Variants in SGPL1 observed in about 807,000 individuals in gnomAD.
The protein encoded by SGPL1 is SP-lyase 1.
In SGPL1, 37 loss-of-function variants were observed where a neutral mutation model predicts 68.9. That is an observed-to-expected ratio of 0.54 (90% CI 0.41 to 0.71). The LOEUF (loss-of-function observed/expected upper bound fraction) is 0.71, where lower values mean the gene tolerates loss of function less well. SGPL1 is among the 30% of genes least tolerant of loss of function. SGPL1 has a pLI of 0.00. For missense variants in SGPL1, 551 were observed against 704.6 expected (o/e 0.78, Z 2.47); for synonymous variants, 236 against 248.5 (o/e 0.95, Z 0.47).
Position 70,854,648 on chromosome 10 carries a change from A to G in SGPL1, c.262-60A>G, listed in dbSNP as rs1845935215. On this transcript the variant is annotated intron_variant, in intron 4 of 14. Coordinates refer to ENST00000373202, the MANE Select transcript of SGPL1 (RefSeq NM_003901.4). ...GAGCAGTTGCTTGACTGTCATAATAATTCTGCTGTCTCTACTGTACTCTTG... is the reference window on the plus strand; with the variant it reads ...GAGCAGTTGCTTGACTGTCATAATAGTTCTGCTGTCTCTACTGTACTCTTG... The G allele has an allele frequency of 3.4e-6, 5 of 1,471,908 alleles. No individual in the cohort carries two copies. In the East Asian group the frequency reaches 1.1e-4, roughly 34 times the overall value. The allele number at this position is 1,471,908 out of a possible 1,614,324, so 91.2% of individuals were successfully genotyped here.
chr10:70,868,314 C>T (rs1564630709), intron 7 of SGPL1, 31 bp from the exon 8 acceptor site: 1 of 1,522,022 alleles, frequency 6.6e-7, no homozygotes, highest in East Asian at 2.3e-5. Context: ...TCCTGACTCC[C>T]CCAACAGATG....
intron 2 of SGPL1, among the ~76,000 whole-genome samples, chr10:70,821,745 C>T (rs1052749023): frequency 1.3e-5 from 2 of 152,084 alleles, no homozygotes; most frequent in African/African-American, 4.8e-5. Flanking sequence ...ACCATAGATA[C>T]CTGGATATCT....
intron 7 of SGPL1, among the ~76,000 whole-genome samples, chr10:70,864,096 A>G (rs1317965797): frequency 6.6e-6 from 1 of 152,030 alleles, no homozygotes; most frequent in East Asian, 1.9e-4. Context: ...TGTTTTATCA[A>G]GTTTTTTAGT....
intron 2 of SGPL1, among the ~76,000 whole-genome samples, chr10:70,821,361 T>C (rs1589445827): frequency 2.0e-5 from 3 of 152,188 alleles, no homozygotes; most frequent in African/African-American, 7.2e-5. Flanking sequence ...AAGAAAAAGG[T>C]ATTTTATAAA....
At chr10:70,859,885 C>T (rs1846021632) in intron 7 of SGPL1, among the ~76,000 whole-genome samples, 2 of 152,156 alleles carry the variant, frequency 1.3e-5, no homozygotes, top group African/African-American at 2.4e-5. Flanking sequence ...CTGCTCTCTA[C>T]ACTCTTTCCC....
intron 3 of SGPL1, among the ~76,000 whole-genome samples, chr10:70,847,012 GT>G (rs2131889432): frequency 6.6e-6 from 1 of 152,216 alleles, no homozygotes; most frequent in Admixed American, 6.5e-5. Context: ...TCTGCTTTTA[GT>G]GGTCAAAAAG....
chr10:70,871,347 G>A (rs1846292244), intron 10 of SGPL1, among the ~76,000 whole-genome samples: 1 of 152,210 alleles, frequency 6.6e-6, no homozygotes, highest in African/African-American at 2.4e-5. Flanking sequence ...TGTGGGGGAA[G>A]ATAGTACAAG....
At chr10:70,868,181 G>A (rs73282295) in intron 7 of SGPL1, among the ~76,000 whole-genome samples, 164 bp from the exon 8 acceptor site, 118 of 152,326 alleles carry the variant, frequency 7.7e-4, no homozygotes, top group African/African-American at 2.7e-3. Flanking sequence ...ATTAGGCTTA[G>A]CCAATAAAGC....
intron 13 of SGPL1, among the ~76,000 whole-genome samples, chr10:70,875,804 C>G (rs1846374420): frequency 6.6e-6 from 1 of 152,210 alleles, no homozygotes; most frequent in Admixed American, 6.5e-5. Context: ...CTCTCAGTCT[C>G]TAGCCTTTCT....
At chr10:70,816,735 T>A in intron 1 of SGPL1, 76 bp from the exon 2 acceptor site, 1 of 989,290 alleles carries the variant, frequency 1.0e-6, no homozygotes, top group Non-Finnish European at 1.6e-6. Context: ...ATAACTTGGC[T>A]GCTCTGGCGA....
chr10:70,871,456 A>G (rs1380838100), intron 10 of SGPL1, among the ~76,000 whole-genome samples: 1 of 152,184 alleles, frequency 6.6e-6, no homozygotes, highest in African/African-American at 2.4e-5. Flanking sequence ...CAAAAGGGTG[A>G]TATTCCACAT....
intron 2 of SGPL1, among the ~76,000 whole-genome samples, chr10:70,836,945 A>C (rs1025146412): frequency 6.6e-6 from 1 of 152,160 alleles, no homozygotes; most frequent in Admixed American, 6.5e-5. Flanking sequence ...CAAATAAAAT[A>C]ACATGAAAGC....
At chr10:70,866,612 A>G (rs1001468307) in intron 7 of SGPL1, 2 of 151,986 alleles carry the variant, frequency 1.3e-5, no homozygotes, top group Non-Finnish European at 2.9e-5. Flanking sequence ...TCCCTCCCCG[A>G]CTCTTCACAG....
intron 2 of SGPL1, among the ~76,000 whole-genome samples, chr10:70,830,936 G>A (rs765345218): frequency 1.3e-5 from 2 of 152,160 alleles, no homozygotes; most frequent in Non-Finnish European, 2.9e-5. Context: ...GTTCAAAGGA[G>A]AGGTCCAAAA....
rs115716311 is a variant in SGPL1, at chr10:70,867,765, T to C, written c.616-580T>C. Among the ~76,000 whole-genome samples the C allele has an allele frequency of 9.4e-3, 1,431 of 152,108 alleles. 34 individuals are homozygous for C. Among genetic ancestry groups the C allele is most frequent in the African/African-American group, 0.032 (1,339 of 41,540 alleles). On this transcript the variant is annotated intron_variant, in intron 7 of 14. Transcript: ENST00000373202. ...TTATCAGAGGGGCTAGGCCAAACTT[T>C]AGGAAAACATTTCACTTCACTTAAA...
chr10:70,837,996 TCATGAGGG>T (rs1361336428), intron 2 of SGPL1, among the ~76,000 whole-genome samples: 1 of 152,154 alleles, frequency 6.6e-6, no homozygotes, highest in Non-Finnish European at 1.5e-5. Flanking sequence ...ATTAATATAC[TCATGAGGG>T]CAGAACCCTC....
chr10:70,857,617 C>T lies in SGPL1; in HGVS notation c.413C>T (p.Ala138Val), dbSNP rs748229676. ...EKLKEYSSMD[A>V]FWQEGRASGT... ...GTGACCTTACCTTTCTCTGCAGACG[C>T]CTTCTGGCAAGAGGGGAGAGCCTCT... Residue 138 changes from alanine to valine, a missense_variant, in exon 6 of 15, where the codon GCC (alanine) becomes GTC (valine). By Grantham distance (64) the Ala-to-Val change is moderately conservative. Transcript: ENST00000373202. The T allele has an allele frequency of 1.9e-6, 3 of 1,613,000 alleles. No homozygotes were observed. The highest frequency in any genetic ancestry group is 2.5e-6 in the Non-Finnish European group (3 of 1,179,180).
intron 2 of SGPL1, among the ~76,000 whole-genome samples, chr10:70,842,292 G>A (rs1845728569): frequency 6.6e-6 from 1 of 152,120 alleles, no homozygotes; most frequent in South Asian, 2.1e-4. Context: ...GAGATTGCTA[G>A]GTCAAAACGA....
At chr10:70,860,365 CTAATT>C (rs1800465567) in intron 7 of SGPL1, 1 of 464,118 alleles carries the variant, frequency 2.2e-6, no homozygotes, top group South Asian at 1.6e-5. Flanking sequence ...CGAAGAGCAC[CTAATT>C]TAGTTTCTTT....
Sources: allele counts gnomAD v4.1 joint callset (sites outside exome capture counted in the v4.1 genomes callset), GRCh38; gene constraint gnomAD v4.1.1; transcripts MANE v1.5; gene names NCBI Gene and HGNC (gene_info 2026-07-23, HGNC 2026-07-21).